Variants in RSPH6A observed in about 807,000 individuals in gnomAD.
The protein encoded by RSPH6A is radial spoke head protein 6 homolog A.
Under a neutral mutation model 66.1 loss-of-function variants are expected in RSPH6A, and 49 were observed. That is an observed-to-expected ratio of 0.74 (90% CI 0.59 to 0.94). The LOEUF is 0.94. RSPH6A is among the 40% of genes least tolerant of loss of function. The pLI is 0.00. For synonymous variants in RSPH6A, 419 were observed against 402.4 expected, an observed-to-expected ratio of 1.04 and a Z score of -0.49; for missense variants, 977 against 948.3, an observed-to-expected ratio of 1.03 and a Z score of -0.40.
At chr19:45,805,844 T>A (rs1023585312) in intron 2 of RSPH6A, among the ~76,000 whole-genome samples, 2 of 151,992 alleles carry the variant, frequency 1.3e-5, no homozygotes, top group Non-Finnish European at 2.9e-5. Context: ...TAGGAGAAAA[T>A]TTTTCTTGCC....
At chr19:45,796,183 T>G in intron 5 of RSPH6A, 77 bp from the exon 6 acceptor site, 2 of 1,110,520 alleles carry the variant, frequency 1.8e-6, no homozygotes, top group Non-Finnish European at 2.6e-6. Context: ...TTTTTTGAGA[T>G]GGAGTCTTAC....
intron 5 of RSPH6A, 38 bp downstream of exon 5, chr19:45,800,408 G>A (rs1970455387): frequency 1.3e-6 from 2 of 1,583,708 alleles, no homozygotes; most frequent in Non-Finnish European, 1.7e-6. Flanking sequence ...GAAGTCCTGA[G>A]AGATTCTCCT....
chr19:45,814,447 G>C, intron 1 of RSPH6A, 80 bp downstream of exon 1: 2 of 1,327,082 alleles, frequency 1.5e-6, no homozygotes, highest in Non-Finnish European at 2.0e-6. Context: ...TCCCTTGTCT[G>C]ACTGACTGAG....
intron 5 of RSPH6A, 116 bp downstream of exon 5, chr19:45,800,330 G>T (rs1035086792): frequency 1.4e-5 from 12 of 850,042 alleles, no homozygotes; most frequent in Non-Finnish European, 2.1e-5. Context: ...AGTCCTTGGG[G>T]CTTCCTGAAG....
chr19:45,803,995 A>G (rs1377577130), intron 3 of RSPH6A, among the ~76,000 whole-genome samples: 1 of 65,436 alleles, frequency 1.5e-5, no homozygotes, highest in African/African-American at 6.9e-5. Flanking sequence ...CTCTGTCTCA[A>G]AAAAAAAAAA....
At position 45,815,169 on chromosome 19, in the gene RSPH6A, T is replaced by TCTCC; in HGVS notation, c.4_7dup (p.Asp3GlyfsTer8). ...AGGGCGCTCAGGGTAGGGCGGCAGGTCTCCCATGGTTCGCCAGGAGGCACA... is the reference window on the plus strand; with the variant it reads ...AGGGCGCTCAGGGTAGGGCGGCAGGTCTCCCTCCCATGGTTCGCCAGGAGGCACA... On this transcript the variant is annotated frameshift_variant, in exon 1 of 6. Transcript: ENST00000221538. LOFTEE classifies it high-confidence loss of function. The TCTCC allele has an allele frequency of 1.2e-6, 2 of 1,600,822 alleles. No homozygotes were observed. Among genetic ancestry groups the TCTCC allele is most frequent in the Non-Finnish European group, 8.5e-7 (1 of 1,176,726 alleles).
At chr19:45,809,177 A>G (rs1428455544) in intron 2 of RSPH6A, among the ~76,000 whole-genome samples, 1 of 138,596 alleles carries the variant, frequency 7.2e-6, no homozygotes, top group Non-Finnish European at 1.5e-5. Context: ...AATTTTTTGT[A>G]TTTTTACAAG....
rs1227363739 is a variant in RSPH6A, at chr19:45,810,828, C to A, written c.663G>T (p.Leu221=). 2 of 1,609,582 alleles carry A rather than the reference C, an allele frequency of 1.2e-6. No individual in the cohort carries two copies. The highest frequency in any genetic ancestry group is 8.5e-7 in the Non-Finnish European group (1 of 1,176,460). Residue 221 remains leucine (L), a synonymous_variant, in exon 2 of 6, where the codon CTG becomes CTT. Coordinates refer to ENST00000221538, the MANE Select transcript of RSPH6A (RefSeq NM_030785.4). The part of the protein sequence containing the change: ...INCDLSLYEH[L]VNLLTKILNQ... ...TCAGGATCTTGGTCAGCAGATTCAC[C>A]AGGTGCTCGTACCTGCCTCCCGCAG...
intron 2 of RSPH6A, among the ~76,000 whole-genome samples, chr19:45,809,205 G>T (rs1480949482): frequency 6.8e-6 from 1 of 146,344 alleles, no homozygotes; most frequent in Non-Finnish European, 1.5e-5. Flanking sequence ...GTTTCACTGT[G>T]TTAACCAGGA....
chr19:45,806,371 T>C (rs984662909), intron 2 of RSPH6A, among the ~76,000 whole-genome samples: 1 of 151,898 alleles, frequency 6.6e-6, no homozygotes, highest in African/African-American at 2.4e-5. Flanking sequence ...AGGCTGAAAC[T>C]AGAAGCCAGC....
In RSPH6A at chr19:45,814,774, C is replaced by G; in HGVS notation, c.403G>C (p.Asp135His). The stretch of plus-strand genomic sequence containing the variant: ...ACTGGGGGCTCCTGGAAGGTGGGGT[C>G]CAGTTGCTGGAACAGGCTGCTTTGG... ...QGQSSLFQQL[D>H]PTFQEPPVNP... Residue 135 changes from aspartate to histidine, a missense_variant, in exon 1 of 6, where the codon GAC becomes CAC. By Grantham distance (81) the Asp-to-His change is moderately conservative (BLOSUM62 -1). Coordinates refer to ENST00000221538, the MANE Select transcript of RSPH6A (RefSeq NM_030785.4). The G allele has an allele frequency of 6.2e-7, 1 of 1,613,734 alleles. No individual in the cohort carries two copies. Among genetic ancestry groups the G allele is most frequent in the Non-Finnish European group, 8.5e-7 (1 of 1,179,808 alleles).
chr19:45,810,772 A>G lies in RSPH6A; in HGVS notation c.719T>C (p.Leu240Pro), dbSNP rs1970616510. 1 of 1,614,084 alleles carries G rather than the reference A, an allele frequency of 6.2e-7. No homozygotes were observed. Among genetic ancestry groups the G allele is most frequent in the Non-Finnish European group, 8.5e-7 (1 of 1,179,982 alleles). The change falls in exon 2 of 6, where the codon CTG (leucine) becomes CCG (proline). Residue 240 changes from leucine (L) to proline (P), a missense_variant. Leu to Pro is a moderately conservative substitution (Grantham distance 98). Coordinates refer to ENST00000221538, the MANE Select transcript of RSPH6A (RefSeq NM_030785.4). ...NQRPEDPLSV[L>P]ESLNRTTQWE... is the part of the protein sequence containing the mutation. ...CTGCGTGGTGCGGTTCAGAGACTCC[A>G]GGACAGACAAGGGGTCCTCAGGCCG...
chr19:45,809,878 G>A (rs1160128172), intron 2 of RSPH6A, among the ~76,000 whole-genome samples: 1 of 152,208 alleles, frequency 6.6e-6, no homozygotes, highest in African/African-American at 2.4e-5. Flanking sequence ...CAGAAAACGA[G>A]AGAAATAAGA....
intron 2 of RSPH6A, among the ~76,000 whole-genome samples, chr19:45,807,561 A>T (rs1322004619): frequency 6.6e-6 from 1 of 151,708 alleles, no homozygotes; most frequent in Non-Finnish European, 1.5e-5. Flanking sequence ...CCCAGGCTGG[A>T]GTGCAGTGGC....
chr19:45,814,226 T>A (rs1221035706), intron 1 of RSPH6A, among the ~76,000 whole-genome samples: 1 of 152,110 alleles, frequency 6.6e-6, no homozygotes, highest in Non-Finnish European at 1.5e-5. Flanking sequence ...CTCTGCCATA[T>A]CCTAGCTGTG....
intron 4 of RSPH6A, among the ~76,000 whole-genome samples, chr19:45,800,905 C>A (rs952935151): frequency 6.6e-6 from 1 of 151,876 alleles, no homozygotes; most frequent in Non-Finnish European, 1.5e-5. Context: ...TCAAACGACT[C>A]TCCTTCCTCA....
chr19:45,810,827 C>T lies in RSPH6A; in HGVS notation c.664G>A (p.Val222Met), dbSNP rs746870294. 56 of 1,609,546 alleles carry T rather than the reference C, an allele frequency of 3.5e-5. No individual in the cohort carries two copies. The highest frequency in any genetic ancestry group is 4.8e-5 in the Non-Finnish European group (56 of 1,176,540). The change falls in exon 2 of 6, where the codon GTG (valine) becomes ATG (methionine). Residue 222 changes from valine (V) to methionine (M), a missense_variant. Val to Met is a conservative substitution (Grantham distance 21). Coordinates refer to ENST00000221538, the MANE Select transcript of RSPH6A (RefSeq NM_030785.4). ...TTCAGGATCTTGGTCAGCAGATTCA[C>T]CAGGTGCTCGTACCTGCCTCCCGCA... ...NCDLSLYEHL[V>M]NLLTKILNQR...
In RSPH6A at chr19:45,815,256, CG is replaced by C; in HGVS notation, c.-81del. On this transcript the variant is annotated 5_prime_UTR_variant, in exon 1 of 6. Transcript: ENST00000221538. ...AGCGAGAGCCACCTGTCGACACCGC[CG>C]GTTTCTGAGCACCGAGAGAGGGGGC... The C allele has an allele frequency of 7.1e-7, 1 of 1,402,140 alleles. No homozygotes were observed. The highest frequency in any genetic ancestry group is 9.4e-7 in the Non-Finnish European group (1 of 1,062,840). 86.9% of individuals were successfully genotyped at this position (1,402,140 alleles called of 1,614,324 possible). A position where few individuals can be genotyped will look rare whatever the true frequency, so the allele number is the denominator to read the frequency against.
rs1970680616 is a variant in RSPH6A at position 45,814,761 on chromosome 19, T to C, written c.416A>G (p.Gln139Arg). Residue 139 changes from glutamine to arginine, a missense_variant, in exon 1 of 6, where the codon CAG becomes CGG. Gln to Arg is a conservative substitution (Grantham distance 43). Transcript: ENST00000221538. ...GCCCAAGGGGTTGACTGGGGGCTCC[T>C]GGAAGGTGGGGTCCAGTTGCTGGAA... ...SLFQQLDPTF[Q>R]EPPVNPLGQF... 5 of 1,613,648 alleles carry C rather than the reference T, an allele frequency of 3.1e-6. No individual in the cohort carries two copies. Among genetic ancestry groups the C allele is most frequent in the Non-Finnish European group, 4.2e-6 (5 of 1,179,830 alleles).
Sources: gnomAD v4.1 joint callset for allele counts (sites outside exome capture counted in the v4.1 genomes callset) on GRCh38, gnomAD v4.1.1 for gene constraint, MANE v1.5 for transcripts, NCBI Gene and HGNC (gene_info 2026-07-23, HGNC 2026-07-21) for gene names.